The following NELL1 variants were observed in gnomAD, a reference collection of about 807,000 sequenced individuals.
The protein encoded by NELL1 is neural EGFL like 1.
A neutral mutation model predicts 107.4 loss-of-function variants in NELL1; 76 were observed. The observed-to-expected ratio is 0.71, with a 90% confidence interval of 0.59 to 0.86. The LOEUF is 0.86. Among genes scored for constraint, NELL1 ranks in the 40% least tolerant of loss-of-function variants. NELL1 has a pLI of 0.00. For missense variants in NELL1, 1,024 were observed against 1,005.5 expected (o/e 1.02, Z -0.25); for synonymous variants, 353 against 341.2 (o/e 1.03, Z -0.38).
rs535776059 is a variant in NELL1 at position 21,436,607 on chromosome 11, T to A, written c.1645+65659T>A. Among the ~76,000 whole-genome samples, 108 of 152,276 alleles carry A rather than the reference T, an allele frequency of 7.1e-4. 1 individual carries two copies. Among genetic ancestry groups the A allele is most frequent in the Middle Eastern group, 3.4e-3 (1 of 294 alleles). On this transcript the variant is annotated intron_variant, in intron 15 of 19. Coordinates refer to ENST00000357134, the MANE Select transcript of NELL1 (RefSeq NM_006157.5). ...CACAAATTTTCATTTTGTTTATTTTTAAATATATTTTAAGTATCTATTTAG... is the reference window on the plus strand; with the variant it reads ...CACAAATTTTCATTTTGTTTATTTTAAAATATATTTTAAGTATCTATTTAG...
chr11:21,545,836 G>C (rs1430290278), intron 16 of NELL1, among the ~76,000 whole-genome samples: 1 of 151,856 alleles, frequency 6.6e-6, no homozygotes, highest in African/African-American at 2.4e-5. Flanking sequence ...AGCATCATGG[G>C]AGTCGCCTGG....
chr11:21,182,624 A>C (rs927354008), intron 13 of NELL1, among the ~76,000 whole-genome samples: 14 of 151,936 alleles, frequency 9.2e-5, no homozygotes, highest in African/African-American at 3.2e-4. Context: ...CAGGTATCAC[A>C]GAAATAGCCT....
intron 13 of NELL1, among the ~76,000 whole-genome samples, chr11:21,227,082 C>A (rs919784397): frequency 6.6e-6 from 1 of 152,190 alleles, no homozygotes; most frequent in African/African-American, 2.4e-5. Context: ...TACCTTTCTC[C>A]ATACTTAAGT....
At chr11:21,397,561 AC>A (rs1852009931) in intron 15 of NELL1, among the ~76,000 whole-genome samples, 2 of 151,724 alleles carry the variant, frequency 1.3e-5, no homozygotes, top group African/African-American at 4.8e-5. Context: ...GTCATATAAA[AC>A]ACATATAAAT....
chr11:20,735,340 C>A (rs1855736819), intron 2 of NELL1, among the ~76,000 whole-genome samples: 1 of 152,122 alleles, frequency 6.6e-6, no homozygotes, highest in Non-Finnish European at 1.5e-5. Context: ...CACGTTTTTG[C>A]ATGGCTGGGA....
At chr11:21,042,146 CTT>C (rs1232307480) in intron 12 of NELL1, among the ~76,000 whole-genome samples, 10 of 152,300 alleles carry the variant, frequency 6.6e-5, no homozygotes, top group Admixed American at 6.5e-4. Flanking sequence ...AATATAACCT[CTT>C]AACACAATGT....
intron 13 of NELL1, among the ~76,000 whole-genome samples, chr11:21,149,861 A>G (rs766170245): frequency 1.3e-5 from 2 of 152,144 alleles, no homozygotes; most frequent in Non-Finnish European, 2.9e-5. Context: ...AATAATAACC[A>G]TAATAATTTA....
chr11:21,506,115 A>G (rs1855271958), intron 15 of NELL1, among the ~76,000 whole-genome samples: 3 of 152,218 alleles, frequency 2.0e-5, no homozygotes, highest in Non-Finnish European at 4.4e-5. Context: ...TAAGTATCCT[A>G]TCTTAAAATA....
chr11:20,985,761 C>T lies in NELL1; in HGVS notation c.1300+25201C>T, dbSNP rs116980942. Among the ~76,000 whole-genome samples the T allele has an allele frequency of 5.4e-3, 815 of 152,270 alleles. 2 individuals are homozygous for T. Among genetic ancestry groups the T allele is most frequent in the Non-Finnish European group, 9.6e-3 (656 of 68,018 alleles). On this transcript the variant is annotated intron_variant, in intron 12 of 19. Coordinates refer to ENST00000357134, the MANE Select transcript of NELL1 (RefSeq NM_006157.5). ...AGTCAAAGCAGGGGAGAATTTTTAT[C>T]TGAATTTCTTGGCCACAAGTCTTAT...
rs138935742 is a variant in NELL1 at position 21,212,055 on chromosome 11, A to T, written c.1427-17277A>T. ...TGGCCAGGCTGGTCTCAAACTCCTG[A>T]CCTCAAGTTATCCACCCACCTTGGC... On this transcript the variant is annotated intron_variant, in intron 13 of 19. Coordinates refer to ENST00000357134, the MANE Select transcript of NELL1 (RefSeq NM_006157.5). Among the ~76,000 whole-genome samples the T allele has an allele frequency of 7.8e-3, 1,191 of 152,156 alleles. 16 individuals carry two copies. Among genetic ancestry groups the T allele is most frequent in the African/African-American group, 0.027 (1,130 of 41,502 alleles).
chr11:21,452,786 T>C (rs544593363), intron 15 of NELL1, among the ~76,000 whole-genome samples: 1 of 152,110 alleles, frequency 6.6e-6, no homozygotes, highest in Admixed American at 6.5e-5. Context: ...TTTTTTACTA[T>C]ATTAGCACTC....
At chr11:21,365,676 C>T (rs1014347752) in intron 14 of NELL1, among the ~76,000 whole-genome samples, 29 of 152,062 alleles carry the variant, frequency 1.9e-4, no homozygotes, top group African/African-American at 6.5e-4. Context: ...TTGTAATATA[C>T]TCTGTGCTTT....
intron 12 of NELL1, among the ~76,000 whole-genome samples, chr11:20,966,589 T>A (rs1590472768): frequency 6.6e-6 from 1 of 152,126 alleles, no homozygotes; most frequent in Admixed American, 6.6e-5. Context: ...TGGAGAGATC[T>A]TCCAGTACCC....
Position 21,108,638 on chromosome 11 carries a change from T to G in NELL1, c.1301-4951T>G, listed in dbSNP as rs150839552. On this transcript the variant is annotated intron_variant, in intron 12 of 19. Transcript: ENST00000357134. The stretch of plus-strand genomic sequence containing the variant: ...AAAACCTTAGGACTCTTTGTTACTC[T>G]TTTCTAATTCCATAGTCTCAAGCGT... 4.7e-3 allele frequency among the ~76,000 whole-genome samples: 716 copies of G among 152,292 alleles called. 3 individuals are homozygous for G. Among genetic ancestry groups the G allele is most frequent in the Non-Finnish European group, 6.8e-3 (464 of 68,010 alleles).
At chr11:21,542,104 G>C (rs746310439) in intron 16 of NELL1, among the ~76,000 whole-genome samples, 2 of 152,046 alleles carry the variant, frequency 1.3e-5, no homozygotes, top group Admixed American at 6.6e-5. Context: ...TACATGATGT[G>C]CTAGACACAG....
chr11:21,386,169 AC>A (rs1851740632), intron 15 of NELL1, among the ~76,000 whole-genome samples: 1 of 146,262 alleles, frequency 6.8e-6, no homozygotes, highest in African/African-American at 2.5e-5. Context: ...CTTTCTAATC[AC>A]CCCCACCCCC....
chr11:21,290,072 A>G (rs977332715), intron 14 of NELL1, among the ~76,000 whole-genome samples: 7 of 152,188 alleles, frequency 4.6e-5, no homozygotes, highest in African/African-American at 1.7e-4. Flanking sequence ...CAGCTTAAGC[A>G]GATTTAAATA....
chr11:20,866,278 A>G (rs1849094765), intron 4 of NELL1, among the ~76,000 whole-genome samples: 1 of 152,138 alleles, frequency 6.6e-6, no homozygotes, highest in Non-Finnish European at 1.5e-5. Flanking sequence ...ATCTGGCAGG[A>G]GAACAGGACC....
intron 12 of NELL1, among the ~76,000 whole-genome samples, chr11:21,028,402 A>G (rs1406912522): frequency 2.0e-5 from 3 of 152,148 alleles, no homozygotes; most frequent in Admixed American, 2.0e-4. Flanking sequence ...TTCAGAGCTA[A>G]GAAAACATTT....
Sources: gnomAD v4.1 joint callset for allele counts (sites outside exome capture counted in the v4.1 genomes callset) on GRCh38, gnomAD v4.1.1 for gene constraint, MANE v1.5 for transcripts, NCBI Gene and HGNC (gene_info 2026-07-23, HGNC 2026-07-21) for gene names.